Variants in RBM17 observed in about 807,000 individuals in gnomAD.
The protein encoded by RBM17 is RNA binding motif protein 17.
RBM17 carries 7 observed loss-of-function variants against 53.2 expected under a neutral mutation model. That is an observed-to-expected ratio of 0.13 (90% CI 0.07 to 0.25). The LOEUF (loss-of-function observed/expected upper bound fraction) is 0.25, where lower values mean the gene tolerates loss of function less well. Ranked by LOEUF, RBM17 falls within the 10% of genes least tolerant of loss-of-function variation. The pLI is 1.00. For synonymous variants in RBM17, 167 were observed against 178.1 expected, an observed-to-expected ratio of 0.94 and a Z score of 0.50; for missense variants, 257 against 496.7, an observed-to-expected ratio of 0.52 and a Z score of 4.59.
chr10:6,104,878 G>A, intron 3 of RBM17, 53 bp from the exon 4 acceptor site: 4 of 1,503,698 alleles, frequency 2.7e-6, no homozygotes, highest in South Asian at 1.2e-5. Context: ...AATCCTGTGA[G>A]TAAACTGGTA....
chr10:6,092,595 C>A (rs1466652047), intron 1 of RBM17, among the ~76,000 whole-genome samples: 1 of 152,152 alleles, frequency 6.6e-6, no homozygotes, highest in Non-Finnish European at 1.5e-5. Context: ...GTGGTGAATT[C>A]ACAGGTGCTT....
intron 5 of RBM17, among the ~76,000 whole-genome samples, chr10:6,108,039 G>T (rs951034513): frequency 7.9e-5 from 12 of 152,208 alleles, no homozygotes; most frequent in Admixed American, 6.5e-4. Flanking sequence ...TGGTTTGTTT[G>T]TGTTCACCAT....
At chr10:6,104,775 G>T (rs146488826) in intron 3 of RBM17, among the ~76,000 whole-genome samples, 156 bp from the exon 4 acceptor site, 137 of 152,338 alleles carry the variant, frequency 9.0e-4, no homozygotes, top group African/African-American at 3.3e-3. Context: ...TAGGCACGTG[G>T]CCTTGTCTGG....
rs11256714 is a variant in RBM17, at chr10:6,098,570, T to G, written c.123+1382T>G. Among the ~76,000 whole-genome samples the G allele has an allele frequency of 6.5e-4, 57 of 87,696 alleles. No homozygotes were observed. In the East Asian group the frequency reaches 0.011, roughly 17 times the overall value. 57.5% of individuals were successfully genotyped at this position (87,696 alleles called of 152,430 possible). On this transcript the variant is annotated intron_variant, in intron 2 of 11. Coordinates refer to ENST00000379888, the MANE Select transcript of RBM17 (RefSeq NM_032905.5). ...GTAATACACAGGTTTTTTGTTTTTT[T>G]TTTTTTTTTTTTTTTTTTTTTTTGA...
rs923413986 is a variant in RBM17 at position 6,089,895 on chromosome 10, T to G, written c.-19+702T>G. On this transcript the variant is annotated intron_variant, in intron 1 of 11. Transcript: ENST00000379888. This position sits in a 1 kb window ranked among gnomAD's most constrained non-coding sequence, Gnocchi z 5.6. ...GCAGGCGTGAAAACCCAGGCCCGGGTTGATTTGAGAAACGCAAGTGGGGTC... is the reference window on the plus strand; with the variant it reads ...GCAGGCGTGAAAACCCAGGCCCGGGGTGATTTGAGAAACGCAAGTGGGGTC... 1 of 151,768 alleles carries G rather than the reference T, an allele frequency of 6.6e-6. No individual in the cohort carries two copies. Among genetic ancestry groups the G allele is most frequent in the African/African-American group, 2.4e-5 (1 of 41,164 alleles). 9.4% of individuals were successfully genotyped at this position (151,768 alleles called of 1,614,324 possible).
intron 3 of RBM17, 129 bp downstream of exon 3, chr10:6,101,516 C>T (rs892210334): frequency 1.3e-5 from 6 of 448,078 alleles, no homozygotes; most frequent in Non-Finnish European, 2.0e-5. Flanking sequence ...TCATTTTCCA[C>T]CTAATTTTTA....
At chr10:6,109,400 T>C (rs776488457) in intron 6 of RBM17, among the ~76,000 whole-genome samples, 17 of 152,250 alleles carry the variant, frequency 1.1e-4, no homozygotes, top group Non-Finnish European at 2.1e-4. Flanking sequence ...TAAGATATTA[T>C]GAAATACCTA....
In RBM17 at chr10:6,115,747, A is replaced by G. The variant is rs1840904900; in HGVS notation, c.*191A>G. The G allele has an allele frequency of 2.3e-6, 1 of 430,300 alleles. No individual in the cohort carries two copies. Among genetic ancestry groups the G allele is most frequent in the African/African-American group, 2.0e-5 (1 of 49,364 alleles). 26.7% of individuals were successfully genotyped at this position (430,300 alleles called of 1,614,324 possible). On this transcript the variant is annotated 3_prime_UTR_variant, in exon 12 of 12. Transcript: ENST00000379888. ...AATATAGTATAAAAATCCTTTTAAA[A>G]AAACAACAATCTGTGTGCCTCTCTG... is the stretch of plus-strand genomic sequence containing the variant.
At chr10:6,101,210 C>A in intron 2 of RBM17, 61 bp from the exon 3 acceptor site, 1 of 1,060,648 alleles carries the variant, frequency 9.4e-7, no homozygotes, top group South Asian at 1.6e-5. Flanking sequence ...ATCTTTGTTG[C>A]AAACAGTGTG....
chr10:6,098,556 G>GGTTTTTTTTTTTTTTTTTTT (rs1840613398), intron 2 of RBM17, among the ~76,000 whole-genome samples: 2 of 87,976 alleles, frequency 2.3e-5, no homozygotes, highest in Non-Finnish European at 4.5e-5. Flanking sequence ...TAATACACAG[G>GGTTTTTTTTTTTTTTTTTTT]TTTTTTGTTT....
intron 6 of RBM17, among the ~76,000 whole-genome samples, chr10:6,109,086 CTGTT>C (rs1840799177): frequency 1.3e-5 from 2 of 152,158 alleles, no homozygotes; most frequent in South Asian, 4.1e-4. Flanking sequence ...GGTTTAGAGG[CTGTT>C]ATATTCATGA....
At chr10:6,092,250 T>C (rs1289787624) in intron 1 of RBM17, among the ~76,000 whole-genome samples, 1 of 152,242 alleles carries the variant, frequency 6.6e-6, no homozygotes, top group Admixed American at 6.5e-5. Context: ...GCAGACCTAA[T>C]GAAATAAATG....
rs531356708 is a variant in RBM17 at position 6,112,060 on chromosome 10, A to G, written c.705-150A>G. On this transcript the variant is annotated intron_variant, in intron 7 of 11. Transcript: ENST00000379888. The surrounding 1 kb of genome is among the most constrained non-coding windows in gnomAD (Gnocchi z 4.4). ...TGCACATCCCCACAGCTTCCATCTA[A>G]TAGCCCACTCCTAGTTAATGAGTGA... The G allele has an allele frequency of 3.0e-6, 2 of 673,720 alleles. No homozygotes were observed. Among genetic ancestry groups the G allele is most frequent in the South Asian group, 3.8e-5 (2 of 53,028 alleles). The allele number at this position is 673,720 out of a possible 1,614,324, so 41.7% of individuals were successfully genotyped here.
chr10:6,112,196 T>C lies in RBM17; in HGVS notation c.705-14T>C. ...TGTCAAGGCTAAGAGTCCTTTCCCT[T>C]CTTCTCCTGCCAGGGGCACGGTGGC... On this transcript the variant is annotated splice_polypyrimidine_tract_variant and intron_variant, in intron 7 of 11. Transcript: ENST00000379888. This position sits in a 1 kb window ranked among gnomAD's most constrained non-coding sequence, Gnocchi z 4.4. 6.2e-7 allele frequency: 1 copy of C among 1,608,994 alleles called. No homozygotes were observed. Among genetic ancestry groups the C allele is most frequent in the Non-Finnish European group, 8.5e-7 (1 of 1,179,532 alleles).
chr10:6,113,703 A>C, intron 9 of RBM17, 122 bp downstream of exon 9: 1 of 710,770 alleles, frequency 1.4e-6, no homozygotes, highest in Non-Finnish European at 2.5e-6. Context: ...TACTTTGGGC[A>C]GATCCCACGT....
At position 6,097,113 on chromosome 10, in the gene RBM17, A is replaced by C. The variant is rs777403381; in HGVS notation, c.48A>C (p.Thr16=). ...DLGVETSDSK[T]EGWSKNFKLL... is the part of the protein sequence containing the mutation. ...GAGTGGAGACCAGTGACTCAAAAAC[A>C]GAAGGCTGGTCCAAAAACTTCAAAC... is the stretch of plus-strand genomic sequence containing the variant. Residue 16 remains threonine (T), a synonymous_variant, in exon 2 of 12, where the codon ACA becomes ACC. Coordinates refer to ENST00000379888, the MANE Select transcript of RBM17 (RefSeq NM_032905.5). 1 of 1,613,942 alleles carries C rather than the reference A, an allele frequency of 6.2e-7. No homozygotes were observed.
chr10:6,110,688 G>A (rs544059602), intron 7 of RBM17, among the ~76,000 whole-genome samples: 1 of 152,314 alleles, frequency 6.6e-6, no homozygotes, highest in South Asian at 2.1e-4. Flanking sequence ...CTGTGTTGTT[G>A]ACTTTGATCC....
At chr10:6,090,798 AGAGGGTGG>A (rs1172462471) in intron 1 of RBM17, among the ~76,000 whole-genome samples, 1 of 151,970 alleles carries the variant, frequency 6.6e-6, no homozygotes, top group Admixed American at 6.6e-5. Context: ...GGTAACAGCC[AGAGGGTGG>A]GATTGAATGG....
chr10:6,106,897 T>C (rs1840756797), intron 5 of RBM17, among the ~76,000 whole-genome samples: 1 of 152,186 alleles, frequency 6.6e-6, no homozygotes, highest in South Asian at 2.1e-4. Flanking sequence ...TGTTGACAGA[T>C]TGATGTTCTT....
Sources: allele counts gnomAD v4.1 joint callset (sites outside exome capture counted in the v4.1 genomes callset), GRCh38; gene constraint gnomAD v4.1.1; non-coding constraint Gnocchi (gnomAD v3.1); transcripts MANE v1.5; gene names NCBI Gene and HGNC (gene_info 2026-07-23, HGNC 2026-07-21).